Variants in DNTTIP1 observed in about 807,000 individuals in gnomAD.
DNTTIP1 encodes the protein deoxynucleotidyltransferase terminal-interacting protein 1.
DNTTIP1 carries 22 observed loss-of-function variants against 52.9 expected under a neutral mutation model. That is an observed-to-expected ratio of 0.42 (90% confidence interval 0.30 to 0.59). The LOEUF (loss-of-function observed/expected upper bound fraction) is 0.59, where lower values mean the gene tolerates loss of function less well. Ranked by LOEUF, DNTTIP1 falls within the 20% of genes least tolerant of loss-of-function variation. DNTTIP1 has a pLI of 0.22. For synonymous variants in DNTTIP1, 136 were observed against 155.1 expected (o/e 0.88, Z 0.92); for missense variants, 286 against 435.5 (o/e 0.66, Z 3.06).
chr20:45,802,931 G>C, intron 7 of DNTTIP1: 1 of 160,636 alleles, frequency 6.2e-6, no homozygotes, highest in Non-Finnish European at 1.4e-5. Flanking sequence ...CACTGGTCTG[G>C]TTCAGGGGCG....
intron 2 of DNTTIP1, 56 bp from the exon 3 acceptor site, chr20:45,793,865 T>C: frequency 8.8e-7 from 1 of 1,134,192 alleles, no homozygotes; most frequent in Non-Finnish European, 1.3e-6. Flanking sequence ...CTGGGGAGGC[T>C]GGGAAAGAAT....
At chr20:45,800,682 A>AAAAAG (rs1198248084) in intron 4 of DNTTIP1, among the ~76,000 whole-genome samples, 1 of 26,244 alleles carries the variant, frequency 3.8e-5, no homozygotes, top group African/African-American at 1.4e-4. Context: ...CTCAATTTAA[A>AAAAAG]AAAAAAAAAA....
In DNTTIP1 at chr20:45,795,387, G is replaced by A. The variant is rs779434146; in HGVS notation, c.316G>A (p.Glu106Lys). 1 of 1,611,890 alleles carries A rather than the reference G, an allele frequency of 6.2e-7. No homozygotes were observed. Among genetic ancestry groups the A allele is most frequent in the Non-Finnish European group, 8.5e-7 (1 of 1,178,922 alleles). ...ACTGAACGTGCGAGACAATGTTGGG[G>A]AGGAGGTGGACGCAGAGCAGCTGAT... ...AALNVRDNVGEEVDAEQLIQE... is the reference protein window; with the variant it reads ...AALNVRDNVGKEVDAEQLIQE... Residue 106 changes from glutamate to lysine, a missense_variant, in exon 4 of 13, where the codon GAG becomes AAG. This residue lies in a region of DNTTIP1 where 208 missense variants were observed against 266.5 expected (regional missense o/e 0.78). Transcript: ENST00000372622.
rs2145706776 is a variant in DNTTIP1 at position 45,809,179 on chromosome 20, C to T, written c.789C>T (p.Gly263=). The T allele has an allele frequency of 6.2e-7, 1 of 1,613,956 alleles. No homozygotes were observed. The highest frequency in any genetic ancestry group is 2.2e-5 in the East Asian group (1 of 44,882). Residue 263 remains glycine (G), a synonymous_variant, in exon 11 of 13, where the codon GGC becomes GGT. Coordinates refer to ENST00000372622, the MANE Select transcript of DNTTIP1 (RefSeq NM_052951.3). This position sits in a 1 kb window ranked among gnomAD's most constrained non-coding sequence, Gnocchi z 4.2. ...AEQHHMRATG[G]KMAYLLIEED... is the part of the protein sequence containing the mutation. The stretch of plus-strand genomic sequence containing the variant: ...AGCATCACATGCGGGCAACAGGGGG[C>T]AAGATGGTAAGCATTATTCATTTGT...
chr20:45,801,019 G>GGTGT, intron 4 of DNTTIP1, 55 bp from the exon 5 acceptor site: 1 of 1,468,242 alleles, frequency 6.8e-7, no homozygotes, highest in East Asian at 2.3e-5. Context: ...AAGTAGGTAG[G>GGTGT]GTGTGCTTAC....
intron 8 of DNTTIP1, 115 bp from the exon 9 acceptor site, chr20:45,805,031 T>G (rs1431717437): frequency 1.1e-6 from 1 of 920,150 alleles, no homozygotes; most frequent in Non-Finnish European, 1.8e-6. Context: ...TTGGGTCAAC[T>G]GTTGATTAAA....
chr20:45,808,508 C>T (rs149773494), intron 10 of DNTTIP1, among the ~76,000 whole-genome samples: 8 of 151,752 alleles, frequency 5.3e-5, no homozygotes, highest in Non-Finnish European at 1.2e-4. Context: ...GGCGTGGTGG[C>T]GCATGCCTGT....
chr20:45,804,660 G>C (rs1981577304), intron 8 of DNTTIP1, among the ~76,000 whole-genome samples: 1 of 152,094 alleles, frequency 6.6e-6, no homozygotes. Flanking sequence ...TACTCTCTCT[G>C]TTAGCAGCAC....
Position 45,805,313 on chromosome 20 carries a change from G to T in DNTTIP1, c.670G>T (p.Gly224Trp). The change falls in exon 10 of 13, where the codon GGG becomes TGG. Residue 224 changes from glycine (G) to tryptophan (W), a missense_variant. Physicochemically the swap from Gly to Trp is radical, Grantham distance 184. Around this residue, in one of 2 missense-constraint regions of DNTTIP1, gnomAD observed 78 missense variants for 169.0 expected, o/e 0.46. Transcript: ENST00000372622. Reference protein sequence around the residue: ...VLGSRANKALGMGGTRGRIYI... With the variant: ...VLGSRANKALWMGGTRGRIYI... ...TTGGCTTTTACTTTTCAGAGCCCTGGGGATGGGGGGCACCAGAGGAAGAAT... is the reference window on the plus strand; with the variant it reads ...TTGGCTTTTACTTTTCAGAGCCCTGTGGATGGGGGGCACCAGAGGAAGAAT... 6.2e-7 allele frequency: 1 copy of T among 1,614,140 alleles called. No homozygotes were observed. The highest frequency in any genetic ancestry group is 8.5e-7 in the Non-Finnish European group (1 of 1,180,032).
At chr20:45,800,184 A>C (rs538997657) in intron 4 of DNTTIP1, among the ~76,000 whole-genome samples, 1 of 152,186 alleles carries the variant, frequency 6.6e-6, no homozygotes, top group East Asian at 1.9e-4. Context: ...TAATGTATTT[A>C]GTTTGAAAAA....
intron 4 of DNTTIP1, among the ~76,000 whole-genome samples, chr20:45,799,649 G>A (rs1168499932): frequency 1.3e-5 from 2 of 151,994 alleles, no homozygotes; most frequent in Admixed American, 1.3e-4. Flanking sequence ...ATCTGCCTGG[G>A]TTTTTTTCTT....
At chr20:45,801,324 G>A (rs1272839588) in intron 5 of DNTTIP1, 78 bp from the exon 6 acceptor site, 1 of 1,535,196 alleles carries the variant, frequency 6.5e-7, no homozygotes, top group Admixed American at 1.7e-5. Flanking sequence ...TGTAGTCCAG[G>A]GCTGTCTTCT....
chr20:45,797,048 G>A (rs1981263859), intron 4 of DNTTIP1, among the ~76,000 whole-genome samples: 1 of 152,102 alleles, frequency 6.6e-6, no homozygotes, highest in South Asian at 2.1e-4. Context: ...CTGTGGCTTG[G>A]AAGCCAATTC....
At chr20:45,801,490 G>GA (rs746663408) in intron 6 of DNTTIP1, 32 bp downstream of exon 6, 2 of 1,612,680 alleles carry the variant, frequency 1.2e-6, no homozygotes, top group Non-Finnish European at 1.7e-6. Context: ...TTTTCTGGCT[G>GA]AAAAAAGGCT....
At chr20:45,804,213 T>C (rs1234053838) in intron 8 of DNTTIP1, among the ~76,000 whole-genome samples, 3 of 152,202 alleles carry the variant, frequency 2.0e-5, no homozygotes, top group East Asian at 3.8e-4. Flanking sequence ...GAAATTAGAA[T>C]CTTTCCTCAC....
chr20:45,811,139 G>A lies in DNTTIP1; in HGVS notation c.934G>A (p.Glu312Lys). The stretch of plus-strand genomic sequence containing the variant: ...GGTGGAGAAGATGAGAAAGTATATG[G>A]AGACACTACGGACAGAGAATGAGCA... ...WMVEKMRKYM[E>K]TLRTENEHRA... The change falls in exon 13 of 13, where the codon GAG becomes AAG. Residue 312 changes from glutamate to lysine, a missense_variant. By Grantham distance (56) the Glu-to-Lys change is moderately conservative. Around this residue, in one of 2 missense-constraint regions of DNTTIP1, gnomAD observed 78 missense variants for 169.0 expected, o/e 0.46. Transcript: ENST00000372622. The A allele has an allele frequency of 6.2e-7, 1 of 1,614,136 alleles. No homozygotes were observed. The highest frequency in any genetic ancestry group is 2.2e-5 in the East Asian group (1 of 44,878).
chr20:45,794,437 G>A (rs773142936), intron 3 of DNTTIP1, among the ~76,000 whole-genome samples: 2 of 151,956 alleles, frequency 1.3e-5, no homozygotes, highest in African/African-American at 2.4e-5. Flanking sequence ...GTGAGCCAGG[G>A]CACCTGGTCA....
intron 10 of DNTTIP1, 72 bp downstream of exon 10, chr20:45,805,438 A>C (rs576530474): frequency 1.5e-5 from 22 of 1,511,018 alleles, no homozygotes; most frequent in Non-Finnish European, 1.9e-5. Context: ...AGCACAGAGA[A>C]GCTTAGAACA....
Position 45,795,362 on chromosome 20 carries a change from A to G in DNTTIP1, c.291A>G (p.Ala97=), listed in dbSNP as rs756195683. 2.5e-6 allele frequency: 4 copies of G among 1,610,132 alleles called. No homozygotes were observed. The highest frequency in any genetic ancestry group is 2.2e-5 in the South Asian group (2 of 90,210). The change falls in exon 4 of 13, where the codon GCA becomes GCG. Residue 97 remains alanine, a synonymous_variant. Coordinates refer to ENST00000372622, the MANE Select transcript of DNTTIP1 (RefSeq NM_052951.3). ...NKYMKFFQKA[A]LNVRDNVGEE... ...TCCCCTAGTTCTTCCAGAAGGCAGCACTGAACGTGCGAGACAATGTTGGGG... is the reference window on the plus strand; with the variant it reads ...TCCCCTAGTTCTTCCAGAAGGCAGCGCTGAACGTGCGAGACAATGTTGGGG...
Sources: gnomAD v4.1 joint callset for allele counts (sites outside exome capture counted in the v4.1 genomes callset) on GRCh38, gnomAD v4.1.1 for gene constraint, gnomAD v4.1.1 regional missense constraint, Gnocchi (gnomAD v3.1) non-coding constraint, MANE v1.5 for transcripts, NCBI Gene and HGNC (gene_info 2026-07-23, HGNC 2026-07-21) for gene names.